NALF1: variants seen among roughly 807,000 people sequenced by gnomAD.
NALF1 encodes family with sequence similarity 155 member A.
A neutral mutation model predicts 48.4 loss-of-function variants in NALF1; 3 were observed. The ratio of observed to expected loss-of-function variants is 0.06; its 90% CI spans 0.03 to 0.16. The LOEUF (loss-of-function observed/expected upper bound fraction) is 0.16, where lower values mean the gene tolerates loss of function less well. Ranked by LOEUF, NALF1 falls within the 10% of genes least tolerant of loss-of-function variation. The probability of loss-of-function intolerance (pLI) is 1.00; values close to 1 mark genes in which losing one functional copy is unlikely to be tolerated. For missense variants in NALF1, 526 were observed against 571.5 expected (o/e 0.92, Z 0.81); for synonymous variants, 262 against 245.7 (o/e 1.07, Z -0.62).
At chr13:107,422,188 C>T (rs1008325706) in intron 1 of NALF1, among the ~76,000 whole-genome samples, 31 of 152,108 alleles carry the variant, frequency 2.0e-4, no homozygotes, top group African/African-American at 4.8e-5. Context: ...TGCTGGGCAT[C>T]GTAGCAAAAA....
At chr13:107,324,347 T>G (rs9514656) in intron 1 of NALF1, among the ~76,000 whole-genome samples, 53,979 of 152,088 alleles carry the variant, frequency 0.35, 11,637 homozygotes, top group South Asian at 0.56. Flanking sequence ...ATTTCTTTCC[T>G]CTAGATTTAA....
At chr13:107,578,749 A>G (rs1878221463) in intron 1 of NALF1, among the ~76,000 whole-genome samples, 1 of 152,194 alleles carries the variant, frequency 6.6e-6, no homozygotes, top group Non-Finnish European at 1.5e-5. Context: ...TAATCTTCTA[A>G]GTAGCATCTG....
intron 1 of NALF1, among the ~76,000 whole-genome samples, chr13:107,474,015 T>C (rs1364915856): frequency 6.6e-6 from 1 of 152,108 alleles, no homozygotes; most frequent in Non-Finnish European, 1.5e-5. Context: ...CCCTTGCAGC[T>C]CCCTCCCTAC....
At chr13:107,802,428 T>G (rs890959165) in intron 1 of NALF1, among the ~76,000 whole-genome samples, 2 of 152,340 alleles carry the variant, frequency 1.3e-5, no homozygotes, top group African/African-American at 4.8e-5. Context: ...ACCAAAATCA[T>G]ATTATTTATA....
At chr13:107,845,310 G>A (rs1321460773) in intron 1 of NALF1, among the ~76,000 whole-genome samples, 1 of 152,178 alleles carries the variant, frequency 6.6e-6, no homozygotes, top group Non-Finnish European at 1.5e-5. Flanking sequence ...AAGTGGTGAT[G>A]ATGTATTTGT....
intron 1 of NALF1, among the ~76,000 whole-genome samples, chr13:107,808,108 G>T (rs1437184211): frequency 6.6e-6 from 1 of 152,114 alleles, no homozygotes; most frequent in Non-Finnish European, 1.5e-5. Context: ...TCGATAACAA[G>T]GGTGGCATCA....
At chr13:107,426,798 T>G (rs1258334834) in intron 1 of NALF1, among the ~76,000 whole-genome samples, 1 of 152,188 alleles carries the variant, frequency 6.6e-6, no homozygotes, top group African/African-American at 2.4e-5. Context: ...TTTTTCTTTT[T>G]TCTTTATTCA....
chr13:107,729,483 CTT>C (rs1284765795), intron 1 of NALF1, among the ~76,000 whole-genome samples: 3 of 144,432 alleles, frequency 2.1e-5, no homozygotes, highest in Admixed American at 7.0e-5. Context: ...GGTATTGATG[CTT>C]TTTTTTTTTG....
chr13:107,230,884 AC>A (rs1880206835), intron 1 of NALF1, among the ~76,000 whole-genome samples: 1 of 151,910 alleles, frequency 6.6e-6, no homozygotes, highest in African/African-American at 2.4e-5. Flanking sequence ...ACATAGTGAG[AC>A]CCCATCTCCA....
intron 1 of NALF1, among the ~76,000 whole-genome samples, chr13:107,275,625 G>T (rs1881265205): frequency 1.3e-5 from 2 of 152,098 alleles, no homozygotes; most frequent in African/African-American, 2.4e-5. Context: ...CCAGCTCAAA[G>T]TATCTGATCT....
chr13:107,307,970 A>C (rs1461170762), intron 1 of NALF1, among the ~76,000 whole-genome samples: 1 of 152,104 alleles, frequency 6.6e-6, no homozygotes, highest in Non-Finnish European at 1.5e-5. Flanking sequence ...TTAGACTGTA[A>C]ATTGTGATGT....
chr13:107,242,759 C>A (rs1391013591), intron 1 of NALF1, among the ~76,000 whole-genome samples: 1 of 152,056 alleles, frequency 6.6e-6, no homozygotes, highest in African/African-American at 2.4e-5. Flanking sequence ...GAGACAAGTT[C>A]TATATAACCT....
chr13:107,435,373 G>A (rs957489759), intron 1 of NALF1, among the ~76,000 whole-genome samples: 10 of 152,032 alleles, frequency 6.6e-5, no homozygotes, highest in African/African-American at 1.4e-4. Context: ...TGACGTCAGC[G>A]TCAGCAGACC....
chr13:107,534,159 CT>C (rs1555307089), intron 1 of NALF1, among the ~76,000 whole-genome samples: 1 of 152,046 alleles, frequency 6.6e-6, no homozygotes, highest in Non-Finnish European at 1.5e-5. Context: ...CTCCCCAGAC[CT>C]ATGAAATCAG....
At chr13:107,671,334 T>C (rs11616388) in intron 1 of NALF1, among the ~76,000 whole-genome samples, 3 of 151,848 alleles carry the variant, frequency 2.0e-5, no homozygotes, top group African/African-American at 7.3e-5. Context: ...GTTTTTCATA[T>C]AACAAAAATA....
At chr13:107,438,183 G>T (rs980563874) in intron 1 of NALF1, among the ~76,000 whole-genome samples, 6 of 152,008 alleles carry the variant, frequency 3.9e-5, no homozygotes, top group Admixed American at 3.9e-4. Context: ...ACTCACCAAG[G>T]TTAACACAAG....
At chr13:107,211,356 A>G (rs573225170) in intron 1 of NALF1, among the ~76,000 whole-genome samples, 1 of 152,358 alleles carries the variant, frequency 6.6e-6, no homozygotes, top group Non-Finnish European at 1.5e-5. Context: ...AACACCCGAC[A>G]TAGAGCAGAC....
At position 107,343,680 on chromosome 13, in the gene NALF1, G is replaced by C. The variant is rs536017149; in HGVS notation, c.916-132925C>G. ...TAATAAAGAAATTAAAAGATATCTTGAGACAACCTAACAAAGCTTATGGGA... is the reference window on the plus strand; with the variant it reads ...TAATAAAGAAATTAAAAGATATCTTCAGACAACCTAACAAAGCTTATGGGA... On this transcript the variant is annotated intron_variant, in intron 1 of 2. Transcript: ENST00000375915. 2.0e-5 allele frequency among the ~76,000 whole-genome samples: 3 copies of C among 152,176 alleles called. No homozygotes were observed. The East Asian group carries it at 5.8e-4, about 29-fold the overall frequency.
At chr13:107,550,550 C>T (rs1413304377) in intron 1 of NALF1, among the ~76,000 whole-genome samples, 2 of 152,162 alleles carry the variant, frequency 1.3e-5, no homozygotes, top group African/African-American at 4.8e-5. Flanking sequence ...GCCAGCATCT[C>T]TCTCATTGAT....
Sources: gnomAD v4.1 joint callset for allele counts (sites outside exome capture counted in the v4.1 genomes callset) on GRCh38, gnomAD v4.1.1 for gene constraint, MANE v1.5 for transcripts, NCBI Gene and HGNC (gene_info 2026-07-23, HGNC 2026-07-21) for gene names.